Variants in MAP4K4 observed in about 807,000 individuals in gnomAD.
MAP4K4 encodes mitogen-activated protein kinase kinase kinase kinase 4.
Under a neutral mutation model 189.6 loss-of-function variants are expected in MAP4K4, and 38 were observed. The ratio of observed to expected loss-of-function variants is 0.20; its 90% CI spans 0.15 to 0.26. The LOEUF is 0.26. Among genes scored for constraint, MAP4K4 ranks in the 10% least tolerant of loss-of-function variants. The pLI is 1.00. For missense variants in MAP4K4, 1,054 were observed against 1,726.9 expected (o/e 0.61, Z 6.91); for synonymous variants, 610 against 624.3 (o/e 0.98, Z 0.34).
intron 12 of MAP4K4, among the ~76,000 whole-genome samples, chr2:101,851,306 T>C (rs2097274996): frequency 6.6e-6 from 1 of 152,192 alleles, no homozygotes; most frequent in Non-Finnish European, 1.5e-5. Context: ...TTTAAGAAAA[T>C]AAATTACATC....
intron 32 of MAP4K4, among the ~76,000 whole-genome samples, chr2:101,889,377 T>A (rs955884932): frequency 6.6e-6 from 1 of 152,136 alleles, no homozygotes; most frequent in Non-Finnish European, 1.5e-5. Flanking sequence ...TTCCTAGGTT[T>A]GCATGACAGA....
At chr2:101,703,617 C>CAAAAAA (rs58122658) in intron 2 of MAP4K4, among the ~76,000 whole-genome samples, 1 of 39,010 alleles carries the variant, frequency 2.6e-5, no homozygotes, top group Admixed American at 4.3e-4. Context: ...GACTCTGTCT[C>CAAAAAA]AAAAAAAAAA....
rs1559129253 is a variant in MAP4K4 at position 101,835,984 on chromosome 2, C to G, written c.773+6C>G. 6.2e-7 allele frequency: 1 copy of G among 1,603,582 alleles called. No individual in the cohort carries two copies. The highest frequency in any genetic ancestry group is 1.3e-5 in the African/African-American group (1 of 74,682). ...CGGCTGAAGTCAAAAAAATGGTAAGCTATATATGGTTTTTTGTTGTTCTTT... is the reference window on the plus strand; with the variant it reads ...CGGCTGAAGTCAAAAAAATGGTAAGGTATATATGGTTTTTTGTTGTTCTTT... On this transcript the variant is annotated splice_donor_region_variant and intron_variant, in intron 9 of 32. Transcript: ENST00000324219.
At chr2:101,703,268 T>G (rs34451091) in intron 2 of MAP4K4, among the ~76,000 whole-genome samples, 42,753 of 151,736 alleles carry the variant, frequency 0.28, 6,785 homozygotes, top group South Asian at 0.49. Context: ...CTTTGCTAGG[T>G]TTAACATGTT....
chr2:101,791,429 A>G (rs1300590304), intron 3 of MAP4K4, among the ~76,000 whole-genome samples: 1 of 152,172 alleles, frequency 6.6e-6, no homozygotes, highest in Non-Finnish European at 1.5e-5. Flanking sequence ...CCATATTTAA[A>G]TTCTTTAAAA....
At chr2:101,854,443 C>T (rs1326132226) in intron 12 of MAP4K4, among the ~76,000 whole-genome samples, 1 of 152,062 alleles carries the variant, frequency 6.6e-6, no homozygotes, top group South Asian at 2.1e-4. Context: ...AAAGGAGATT[C>T]CCCCATTGAA....
chr2:101,806,679 C>T (rs1466961242), intron 3 of MAP4K4, among the ~76,000 whole-genome samples: 1 of 152,146 alleles, frequency 6.6e-6, no homozygotes, highest in Non-Finnish European at 1.5e-5. Flanking sequence ...TGTCCGGCCT[C>T]AGCTGTTTCA....
intron 2 of MAP4K4, among the ~76,000 whole-genome samples, chr2:101,732,847 G>A (rs1256641754): frequency 6.6e-6 from 1 of 152,204 alleles, no homozygotes; most frequent in East Asian, 1.9e-4. Context: ...TCGGCCTCCC[G>A]AAGTGTTGGG....
chr2:101,851,498 T>A (rs978008940), intron 12 of MAP4K4, among the ~76,000 whole-genome samples: 4 of 152,156 alleles, frequency 2.6e-5, no homozygotes, highest in Admixed American at 2.0e-4. Flanking sequence ...ATATTTTCTT[T>A]TGAAGTTCTA....
intron 3 of MAP4K4, among the ~76,000 whole-genome samples, chr2:101,810,895 A>G (rs2095378949): frequency 6.6e-6 from 1 of 152,182 alleles, no homozygotes; most frequent in Non-Finnish European, 1.5e-5. Flanking sequence ...TAGAAACACT[A>G]GCTGTTGAAT....
chr2:101,857,025 A>C (rs768754778), intron 13 of MAP4K4, among the ~76,000 whole-genome samples: 1 of 152,206 alleles, frequency 6.6e-6, no homozygotes, highest in East Asian at 1.9e-4. Flanking sequence ...GACGTTGTCA[A>C]CCATTTAACT....
intron 18 of MAP4K4, 28 bp from the exon 19 acceptor site, chr2:101,866,400 G>T: frequency 6.3e-7 from 1 of 1,594,112 alleles, no homozygotes; most frequent in Non-Finnish European, 8.6e-7. Context: ...TGACACATTA[G>T]CTGTTCTCTC....
Position 101,839,744 on chromosome 2 carries a change from G to A in MAP4K4, c.774-75G>A. ...ATTCTGAAGCTCTTCTTTATGTTGAGGCTTGTAAGTTACTGATATTTTCGA... is the reference window on the plus strand; with the variant it reads ...ATTCTGAAGCTCTTCTTTATGTTGAAGCTTGTAAGTTACTGATATTTTCGA... On this transcript the variant is annotated intron_variant, in intron 9 of 32. Coordinates refer to ENST00000324219, the Ensembl canonical transcript of MAP4K4. 3.6e-6 allele frequency: 4 copies of A among 1,125,044 alleles called. No homozygotes were observed. In the South Asian group the frequency reaches 5.0e-5, roughly 14 times the overall value. The allele number at this position is 1,125,044 out of a possible 1,614,324, so 69.7% of individuals were successfully genotyped here.
chr2:101,866,079 TATAATTATACA>T (rs2097801594), intron 18 of MAP4K4, among the ~76,000 whole-genome samples: 1 of 152,220 alleles, frequency 6.6e-6, no homozygotes, highest in Non-Finnish European at 1.5e-5. Flanking sequence ...TAGTTTTGTG[TATAATTATACA>T]AATACGGAGT....
At chr2:101,863,970 G>A (rs2149908034) in exon 17 of MAP4K4, 1 of 1,367,708 alleles carries the variant, frequency 7.3e-7, no homozygotes, top group Non-Finnish European at 9.8e-7. Flanking sequence ...TGCTCAGTCA[G>A]AGCTCTGACT....
intron 12 of MAP4K4, among the ~76,000 whole-genome samples, chr2:101,851,978 G>A (rs574176541): frequency 1.1e-3 from 160 of 151,776 alleles, no homozygotes; most frequent in Non-Finnish European, 2.0e-3. Context: ...TTAGTTGTTT[G>A]TAGTCTTGTG....
chr2:101,704,120 A>G (rs1043470182), intron 2 of MAP4K4, among the ~76,000 whole-genome samples: 19 of 152,134 alleles, frequency 1.2e-4, no homozygotes, highest in Non-Finnish European at 2.1e-4. Context: ...CTCGTTCTTA[A>G]TTGGAGGTAA....
intron 6 of MAP4K4, among the ~76,000 whole-genome samples, chr2:101,831,211 AG>A (rs2096586217): frequency 6.6e-6 from 1 of 152,188 alleles, no homozygotes; most frequent in African/African-American, 2.4e-5. Flanking sequence ...CAAGTGCTTT[AG>A]GGTGTGTTGT....
chr2:101,872,899 G>A lies in MAP4K4; in HGVS notation c.2953-748G>A, dbSNP rs888249002. ...AAACTTTGCTCCATTTCGCTCTAAT[G>A]TGCAGTATTTTACTATAACCCTTAA... On this transcript the variant is annotated intron_variant, in intron 24 of 32. Coordinates refer to ENST00000324219, the Ensembl canonical transcript of MAP4K4. Among the ~76,000 whole-genome samples the A allele has an allele frequency of 3.9e-4, 59 of 152,122 alleles. 1 individual carries two copies. Among genetic ancestry groups the A allele is most frequent in the Non-Finnish European group, 4.4e-5 (3 of 68,014 alleles).
Sources: gnomAD v4.1 joint callset for allele counts (sites outside exome capture counted in the v4.1 genomes callset) on GRCh38, gnomAD v4.1.1 for gene constraint, MANE v1.5 for transcripts, NCBI Gene and HGNC (gene_info 2026-07-23, HGNC 2026-07-21) for gene names.